The following PLD5 variants were observed in gnomAD, a reference collection of about 807,000 sequenced individuals.
PLD5 encodes the protein phospholipase D family member 5.
A neutral mutation model predicts 61.1 loss-of-function variants in PLD5; 36 were observed. The ratio of observed to expected loss-of-function variants is 0.59; its 90% CI spans 0.45 to 0.78. The LOEUF (loss-of-function observed/expected upper bound fraction) is 0.78, where lower values mean the gene tolerates loss of function less well. PLD5 is among the 30% of genes least tolerant of loss of function. The pLI is 0.00. For missense variants in PLD5, 515 were observed against 644.4 expected, an observed-to-expected ratio of 0.80 and a Z score of 2.17; for synonymous variants, 243 against 242.8, an observed-to-expected ratio of 1.00 and a Z score of -0.01.
chr1:242,444,424 G>C (rs1361855890), intron 1 of PLD5, among the ~76,000 whole-genome samples: 2 of 151,652 alleles, frequency 1.3e-5, no homozygotes, highest in East Asian at 3.9e-4. Flanking sequence ...TGATCAATGT[G>C]GTTACAGGTT....
intron 2 of PLD5, among the ~76,000 whole-genome samples, chr1:242,313,585 A>G (rs1227414468): frequency 6.6e-6 from 1 of 152,146 alleles, no homozygotes; most frequent in East Asian, 1.9e-4. Context: ...ATAATAGAGG[A>G]GTAAAGGCAC....
intron 3 of PLD5, among the ~76,000 whole-genome samples, chr1:242,287,133 A>T (rs1675071674): frequency 6.6e-6 from 1 of 152,040 alleles, no homozygotes; most frequent in East Asian, 1.9e-4. Context: ...GCTCAAGATG[A>T]TTTACTGAAT....
chr1:242,154,649 T>C (rs1226909777), intron 5 of PLD5, among the ~76,000 whole-genome samples: 1 of 152,182 alleles, frequency 6.6e-6, no homozygotes, highest in Non-Finnish European at 1.5e-5. Context: ...ATTACATTTA[T>C]TGATTTGTGT....
chr1:242,347,074 T>C lies in PLD5; in HGVS notation c.326+1032A>G, dbSNP rs1229648976. On this transcript the variant is annotated intron_variant, in intron 2 of 9. Transcript: ENST00000536534. ...AAAATGTGTTTTGATTTCTTTCTTT[T>C]ATGCTTTGCTCTGTATGTAATACCT... 2.0e-5 allele frequency among the ~76,000 whole-genome samples: 3 copies of C among 152,266 alleles called. No individual in the cohort carries two copies. The East Asian group carries it at 5.8e-4, about 29-fold the overall frequency.
Position 242,339,387 on chromosome 1 carries a change from C to T in PLD5, c.326+8719G>A, listed in dbSNP as rs12077919. Among the ~76,000 whole-genome samples the T allele has an allele frequency of 9.9e-3, 1,507 of 152,120 alleles. 17 individuals are homozygous for T. The highest frequency in any genetic ancestry group is 0.033 in the African/African-American group (1,388 of 41,486). Reference sequence around the variant, plus strand: ...CCAAAGTTCCCATTACAGGAATGGACTTTTATTTGGAGAAAGGGGGCAAAA... The same window carrying T: ...CCAAAGTTCCCATTACAGGAATGGATTTTTATTTGGAGAAAGGGGGCAAAA... On this transcript the variant is annotated intron_variant, in intron 2 of 9. Transcript: ENST00000536534.
At chr1:242,471,693 C>A (rs762946468) in intron 1 of PLD5, among the ~76,000 whole-genome samples, 8 of 152,100 alleles carry the variant, frequency 5.3e-5, no homozygotes, top group Non-Finnish European at 1.2e-4. Context: ...TATCCATACA[C>A]AATACACAAT....
intron 5 of PLD5, among the ~76,000 whole-genome samples, chr1:242,204,258 A>G (rs1462732149): frequency 6.6e-6 from 1 of 151,272 alleles, no homozygotes; most frequent in Non-Finnish European, 1.5e-5. Context: ...AAAAAAAAAA[A>G]TTTTAGGCAC....
intron 1 of PLD5, among the ~76,000 whole-genome samples, chr1:242,469,601 C>T (rs1378817227): frequency 2.6e-5 from 4 of 152,134 alleles, no homozygotes; most frequent in African/African-American, 9.7e-5. Context: ...ACCTTGAACT[C>T]CTAGACTCAA....
intron 5 of PLD5, among the ~76,000 whole-genome samples, chr1:242,185,102 GT>G (rs1461208210): frequency 6.6e-6 from 1 of 152,198 alleles, no homozygotes; most frequent in African/African-American, 2.4e-5. Flanking sequence ...GGCTGCCTAT[GT>G]TTATGGCATT....
At chr1:242,198,715 A>G (rs1165970919) in intron 5 of PLD5, among the ~76,000 whole-genome samples, 1 of 151,286 alleles carries the variant, frequency 6.6e-6, no homozygotes, top group Non-Finnish European at 1.5e-5. Context: ...AAAAAAAAAA[A>G]AAAAAAAAAG....
chr1:242,243,010 C>T (rs1042197157), intron 4 of PLD5, among the ~76,000 whole-genome samples: 10 of 152,282 alleles, frequency 6.6e-5, no homozygotes, highest in South Asian at 6.2e-4. Flanking sequence ...AGTAAGGAAT[C>T]GACATAAATG....
At chr1:242,237,776 T>C (rs1249358438) in intron 4 of PLD5, among the ~76,000 whole-genome samples, 1 of 152,222 alleles carries the variant, frequency 6.6e-6, no homozygotes, top group African/African-American at 2.4e-5. Flanking sequence ...CTTACTTGCA[T>C]CCTAGAGGCA....
At chr1:242,391,271 T>C (rs748237954) in intron 1 of PLD5, among the ~76,000 whole-genome samples, 1 of 152,078 alleles carries the variant, frequency 6.6e-6, no homozygotes, top group Non-Finnish European at 1.5e-5. Context: ...TGGAGGAGGG[T>C]CTGGGGCAAT....
At chr1:242,464,391 A>G (rs1364740291) in intron 1 of PLD5, among the ~76,000 whole-genome samples, 5 of 152,194 alleles carry the variant, frequency 3.3e-5, no homozygotes, top group African/African-American at 2.4e-5. Context: ...TGATCATCCC[A>G]TTCTTCCCTA....
chr1:242,270,552 C>T (rs865939207), intron 3 of PLD5, among the ~76,000 whole-genome samples: 1 of 152,138 alleles, frequency 6.6e-6, no homozygotes, highest in Non-Finnish European at 1.5e-5. Flanking sequence ...AAGTTACTCC[C>T]CAGTCTCTCC....
chr1:242,327,199 G>A (rs1223885100), intron 2 of PLD5, among the ~76,000 whole-genome samples: 3 of 151,906 alleles, frequency 2.0e-5, no homozygotes, highest in African/African-American at 7.2e-5. Flanking sequence ...TAGAAACGGG[G>A]TCTCACTATG....
intron 5 of PLD5, among the ~76,000 whole-genome samples, chr1:242,143,575 CATAA>C (rs1381881322): frequency 6.6e-6 from 1 of 152,136 alleles, no homozygotes; most frequent in Non-Finnish European, 1.5e-5. Flanking sequence ...AGAAAAACAG[CATAA>C]ATAAAGGTCG....
chr1:242,343,718 G>A (rs1165016306), intron 2 of PLD5, among the ~76,000 whole-genome samples: 2 of 151,532 alleles, frequency 1.3e-5, no homozygotes, highest in Non-Finnish European at 2.9e-5. Flanking sequence ...GACAAGGATG[G>A]GTAAAACCAG....
chr1:242,474,185 A>AC (rs1667520873), intron 1 of PLD5, among the ~76,000 whole-genome samples: 1 of 152,224 alleles, frequency 6.6e-6, no homozygotes, highest in African/African-American at 2.4e-5. Context: ...GCAATGGCAA[A>AC]ACCGCAATTA....
Sources: gnomAD v4.1 joint callset for allele counts (sites outside exome capture counted in the v4.1 genomes callset) on GRCh38, gnomAD v4.1.1 for gene constraint, MANE v1.5 for transcripts, NCBI Gene and HGNC (gene_info 2026-07-23, HGNC 2026-07-21) for gene names.